Variants in PDE1C observed in about 807,000 individuals in gnomAD.
The protein encoded by PDE1C is dual specificity calcium/calmodulin-dependent 3',5'-cyclic nucleotide phosphodiesterase 1C.
PDE1C carries 62 observed loss-of-function variants against 93.1 expected under a neutral mutation model. The ratio of observed to expected loss-of-function variants is 0.67; its 90% CI spans 0.54 to 0.82. The LOEUF (loss-of-function observed/expected upper bound fraction) is 0.82, where lower values mean the gene tolerates loss of function less well. Among genes scored for constraint, PDE1C ranks in the 40% least tolerant of loss-of-function variants. The probability of loss-of-function intolerance (pLI) is 0.00; values close to 1 mark genes in which losing one functional copy is unlikely to be tolerated. For synonymous variants in PDE1C, 325 were observed against 310.1 expected, an observed-to-expected ratio of 1.05 and a Z score of -0.50; for missense variants, 742 against 884.6, an observed-to-expected ratio of 0.84 and a Z score of 2.04.
At position 32,112,802 on chromosome 7, in the gene PDE1C, ATATGTGTGTG is replaced by A. The variant is rs1332626008; in HGVS notation, c.308+56973_308+56982del. ...TTACATATAAAACATATATATACATATATGTGTGTGTGTGTGTGTGTGTGTGTGTGTGTGT... is the reference window on the plus strand; with the variant it reads ...TTACATATAAAACATATATATACATATGTGTGTGTGTGTGTGTGTGTGTGT... On this transcript the variant is annotated intron_variant, in intron 3 of 18. Coordinates refer to the PDE1C transcript ENST00000396193. Among the ~76,000 whole-genome samples the A allele has an allele frequency of 6.6e-3, 646 of 98,398 alleles. 7 individuals carry two copies. The highest frequency in any genetic ancestry group is 0.041 in the East Asian group (159 of 3,832). The allele number at this position is 98,398 out of a possible 152,430, so 64.6% of individuals were successfully genotyped here. A position where few individuals can be genotyped will look rare whatever the true frequency, so the allele number is the denominator to read the frequency against.
intron 1 of PDE1C, among the ~76,000 whole-genome samples, chr7:32,236,553 G>T (rs1316679317): frequency 6.6e-6 from 1 of 152,082 alleles, no homozygotes; most frequent in Admixed American, 6.6e-5. Context: ...ATAAAAAGAT[G>T]TTAAACATCA....
At chr7:32,350,136 C>T (rs1269428770) in intron 1 of PDE1C, among the ~76,000 whole-genome samples, 1 of 151,862 alleles carries the variant, frequency 6.6e-6, no homozygotes, top group Non-Finnish European at 1.5e-5. Flanking sequence ...TCTTTTTCTT[C>T]CTTTTGAGAC....
At chr7:32,184,689 C>T (rs1803716043) in intron 2 of PDE1C, among the ~76,000 whole-genome samples, 1 of 152,060 alleles carries the variant, frequency 6.6e-6, no homozygotes, top group African/African-American at 2.4e-5. Context: ...AGGAGATATA[C>T]CTAATGTTAA....
intron 1 of PDE1C, among the ~76,000 whole-genome samples, chr7:32,350,584 ATATATAT>A (rs1188918047): frequency 7.4e-3 from 2 of 272 alleles, no homozygotes; most frequent in African/African-American, 9.2e-3. Context: ...ATATATATAT[ATATATAT>A]TTTTTTTTTT....
intron 9 of PDE1C, among the ~76,000 whole-genome samples, chr7:31,845,865 T>C (rs561104491): frequency 1.3e-5 from 2 of 151,944 alleles, no homozygotes; most frequent in African/African-American, 2.4e-5. Flanking sequence ...TGGTAGTGCA[T>C]GCCTGTAGTC....
intron 1 of PDE1C, among the ~76,000 whole-genome samples, chr7:32,345,245 T>C (rs1783829831): frequency 6.6e-6 from 1 of 152,192 alleles, no homozygotes; most frequent in African/African-American, 2.4e-5. Flanking sequence ...CATGAGCCCC[T>C]TCGCAGACAC....
At chr7:32,249,177 A>G (rs1809179632) in intron 1 of PDE1C, among the ~76,000 whole-genome samples, 1 of 152,060 alleles carries the variant, frequency 6.6e-6, no homozygotes, top group Non-Finnish European at 1.5e-5. Flanking sequence ...GTGCTATGGA[A>G]TGGGTTCAAT....
At chr7:31,876,347 C>T (rs531453022) in intron 5 of PDE1C, among the ~76,000 whole-genome samples, 134 of 152,262 alleles carry the variant, frequency 8.8e-4, no homozygotes, top group Non-Finnish European at 1.6e-3. Flanking sequence ...TACCTGTCCC[C>T]TCAGACAACA....
intron 1 of PDE1C, among the ~76,000 whole-genome samples, chr7:32,349,313 T>A (rs1391576245): frequency 1.3e-5 from 2 of 152,188 alleles, no homozygotes; most frequent in Non-Finnish European, 2.9e-5. Flanking sequence ...CTTAAGGACC[T>A]CAGGCCAGTG....
chr7:32,219,395 G>T (rs553971471), intron 1 of PDE1C, among the ~76,000 whole-genome samples: 2 of 152,294 alleles, frequency 1.3e-5, no homozygotes, highest in South Asian at 2.1e-4. Flanking sequence ...GAGGGGAGTA[G>T]TAAAACGCCA....
chr7:32,290,165 G>A (rs144718293), intron 1 of PDE1C, among the ~76,000 whole-genome samples: 75 of 152,302 alleles, frequency 4.9e-4, no homozygotes, highest in Non-Finnish European at 9.1e-4. Flanking sequence ...TCTCCCCAAA[G>A]CAGCTGGCAC....
intron 1 of PDE1C, among the ~76,000 whole-genome samples, chr7:32,420,601 C>T (rs138721007): frequency 7.8e-4 from 118 of 150,374 alleles, no homozygotes; most frequent in African/African-American, 2.7e-3. Flanking sequence ...TTAGCTACCT[C>T]AAAGGTTTGT....
chr7:31,872,317 G>T (rs1463943597), intron 6 of PDE1C, among the ~76,000 whole-genome samples: 1 of 152,068 alleles, frequency 6.6e-6, no homozygotes, highest in Non-Finnish European at 1.5e-5. Flanking sequence ...ATGTTCAGTA[G>T]CAGAATAGGG....
rs118119862 is a variant in PDE1C at position 32,215,998 on chromosome 7, A to G, written c.86-6459T>C. ...TCTTTTGGGAAGGCTGGTGGCTGCA[A>G]TGCCAGGCAACACAGACTCCCAAAG... is the stretch of plus-strand genomic sequence containing the variant. On this transcript the variant is annotated intron_variant, in intron 1 of 18. Transcript: ENST00000396193. Among the ~76,000 whole-genome samples the G allele has an allele frequency of 2.9e-3, 442 of 152,322 alleles. 1 individual carries two copies. Among genetic ancestry groups the G allele is most frequent in the Non-Finnish European group, 5.4e-3 (370 of 68,022 alleles).
At chr7:32,075,391 C>A (rs1437558214), upstream of PDE1C, among the ~76,000 whole-genome samples, 6 of 152,058 alleles carry the variant, frequency 3.9e-5, no homozygotes, top group Admixed American at 6.5e-5. Context: ...GCACAGCAGC[C>A]CCTCCTCCCC....
intron 14 of PDE1C, 25 bp downstream of exon 14, chr7:31,823,048 T>C: frequency 6.3e-7 from 1 of 1,577,112 alleles, no homozygotes; most frequent in Non-Finnish European, 8.6e-7. Context: ...GCTGAATTGG[T>C]TTGGACAGGT....
At chr7:32,071,287 C>G (rs1796033621), upstream of PDE1C, 1 of 985,432 alleles carries the variant, frequency 1.0e-6, no homozygotes. Context: ...GCAGAAGCCG[C>G]GAGGCTTCGC....
At chr7:31,957,214 G>A (rs1808265925) in intron 2 of PDE1C, among the ~76,000 whole-genome samples, 2 of 150,610 alleles carry the variant, frequency 1.3e-5, no homozygotes, top group Middle Eastern at 3.4e-3. Context: ...ATGTAAAGAA[G>A]GTTTATGCAA....
In PDE1C at chr7:31,992,143, G is replaced by A. The variant is rs577141757; in HGVS notation, c.128+59411C>T. On this transcript the variant is annotated intron_variant, in intron 2 of 17. Transcript: ENST00000396191. ...CCATGCACCAGGCCCAAGCCCAGTA[G>A]GGAGAAGAGCAGTACTGAGGCTGTG... Among the ~76,000 whole-genome samples the A allele has an allele frequency of 6.6e-5, 10 of 152,364 alleles. No homozygotes were observed. The East Asian group carries it at 1.9e-3, about 29-fold the overall frequency.
Sources: allele counts gnomAD v4.1 joint callset (sites outside exome capture counted in the v4.1 genomes callset), GRCh38; gene constraint gnomAD v4.1.1; transcripts MANE v1.5; gene names NCBI Gene and HGNC (gene_info 2026-07-23, HGNC 2026-07-21).